The following TMLHE variants were observed in gnomAD, a reference collection of about 807,000 sequenced individuals.
TMLHE encodes trimethyllysine hydroxylase, epsilon.
Under a neutral mutation model 25.7 loss-of-function variants are expected in TMLHE, and 18 were observed. That is an observed-to-expected ratio of 0.70 (90% confidence interval 0.48 to 1.04). The LOEUF is 1.04. Among genes scored for constraint, TMLHE ranks in the 50% least tolerant of loss-of-function variants. The probability of loss-of-function intolerance (pLI) is 0.00; values close to 1 mark genes in which losing one functional copy is unlikely to be tolerated. For missense variants in TMLHE, 236 were observed against 259.0 expected (o/e 0.91, Z 0.61); for synonymous variants, 105 against 97.0 (o/e 1.08, Z -0.49).
intron 1 of TMLHE, among the ~76,000 whole-genome samples, chrX:155,596,579 C>G (rs1372478637): frequency 8.9e-6 from 1 of 111,749 alleles, no homozygotes; most frequent in Admixed American, 9.4e-5. Context: ...TTAAAGAATT[C>G]CCCCATGTGT....
intron 1 of TMLHE, among the ~76,000 whole-genome samples, chrX:155,560,267 AGAAACCTTC>A (rs374467895): frequency 1.1e-3 from 118 of 110,814 alleles, no homozygotes; most frequent in African/African-American, 3.7e-3. Flanking sequence ...CAATTCATTG[AGAAACCTTC>A]GCTGACACTC....
At chrX:155,600,815 C>T (rs1311201458) in intron 1 of TMLHE, among the ~76,000 whole-genome samples, 2 of 111,889 alleles carry the variant, frequency 1.8e-5, no homozygotes, top group East Asian at 2.8e-4. Flanking sequence ...TTCTAAACTG[C>T]GTGAATCTGG....
intron 4 of TMLHE, 149 bp downstream of exon 4, chrX:155,513,837 A>G (rs1272999240): frequency 1.9e-6 from 1 of 526,956 alleles, no homozygotes. Flanking sequence ...GACCTCAAAT[A>G]AAGTACTGCA....
intron 1 of TMLHE, among the ~76,000 whole-genome samples, chrX:155,597,222 G>A (rs2067726997): frequency 9.1e-6 from 1 of 110,069 alleles, no homozygotes; most frequent in African/African-American, 3.3e-5. Flanking sequence ...CATTTTTTAT[G>A]GCTGCATAGT....
chrX:155,596,351 G>A (rs2067720452), intron 1 of TMLHE, among the ~76,000 whole-genome samples: 1 of 111,473 alleles, frequency 9.0e-6, no homozygotes, highest in Non-Finnish European at 1.9e-5. Flanking sequence ...ATTGGACAAT[G>A]TCCCTGGACA....
intron 1 of TMLHE, among the ~76,000 whole-genome samples, chrX:155,594,653 A>G (rs944149813): frequency 1.4e-4 from 16 of 112,447 alleles, no homozygotes; most frequent in African/African-American, 5.2e-4. Context: ...ACTATGAAAA[A>G]TAACTATAAT....
intron 4 of TMLHE, among the ~76,000 whole-genome samples, chrX:155,512,837 C>T (rs2067126895): frequency 9.0e-6 from 1 of 111,569 alleles, no homozygotes. Context: ...ACTTGCTGTA[C>T]CATTGTTGTT....
At chrX:155,560,640 GGCTC>G (rs2067491476) in intron 1 of TMLHE, among the ~76,000 whole-genome samples, 1 of 53,855 alleles carries the variant, frequency 1.9e-5, no homozygotes, top group African/African-American at 4.0e-5. Context: ...CCAATGCAAA[GGCTC>G]TAAGTTGTGA....
At chrX:155,511,559 C>G (rs2124332012) in intron 5 of TMLHE, 114 bp downstream of exon 5, 2 of 770,006 alleles carry the variant, frequency 2.6e-6, no homozygotes, top group Non-Finnish European at 3.5e-6. Flanking sequence ...GAAAGTCATA[C>G]AAATCTGCAG....
chrX:155,589,165 C>T lies in TMLHE; in HGVS notation c.-2+23627G>A, dbSNP rs139224312. ...TATTCACCATAAAAAAGAATGAAATCGGCTGGGTGTGGTGGCTCACGCCTG... is the reference window on the plus strand; with the variant it reads ...TATTCACCATAAAAAAGAATGAAATTGGCTGGGTGTGGTGGCTCACGCCTG... On this transcript the variant is annotated intron_variant, in intron 1 of 7. Transcript: ENST00000334398. Among the ~76,000 whole-genome samples the T allele has an allele frequency of 7.0e-3, 777 of 111,608 alleles. 6 individuals carry two copies. Among genetic ancestry groups the T allele is most frequent in the African/African-American group, 0.024 (732 of 30,788 alleles).
chrX:155,581,019 A>G (rs982966024), intron 1 of TMLHE, among the ~76,000 whole-genome samples: 1 of 112,264 alleles, frequency 8.9e-6, no homozygotes, highest in Non-Finnish European at 1.9e-5. Flanking sequence ...CTGGTTCGAC[A>G]TATGCAAATT....
At chrX:155,510,232 T>TTTTTATTTTATTTTATTTTATTTTA (rs370981833) in intron 5 of TMLHE, among the ~76,000 whole-genome samples, 5 of 99,218 alleles carry the variant, frequency 5.0e-5, no homozygotes, top group African/African-American at 1.8e-4. Context: ...ATGAGTTTTC[T>TTTTTATTTTATTTTATTTTATTTTA]TTTTATTTTA....
intron 1 of TMLHE, among the ~76,000 whole-genome samples, chrX:155,603,592 C>T (rs1479359366): frequency 2.7e-5 from 3 of 111,780 alleles, no homozygotes; most frequent in Non-Finnish European, 3.8e-5. Flanking sequence ...ACTAATGGAA[C>T]ACAATTGAGA....
Position 155,489,929 on chromosome X carries a change from T to C in TMLHE, c.*1606A>G, listed in dbSNP as rs1367096578. On this transcript the variant is annotated 3_prime_UTR_variant, in exon 8 of 8. Coordinates refer to ENST00000334398, the MANE Select transcript of TMLHE (RefSeq NM_018196.4). ...TCCTATCTTCACTAATAATGCCTTTTCCCCCCTCTTGTGTGCATCCTAGCC... is the reference window on the plus strand; with the variant it reads ...TCCTATCTTCACTAATAATGCCTTTCCCCCCCTCTTGTGTGCATCCTAGCC... Among the ~76,000 whole-genome samples, 1 of 17,721 alleles carries C rather than the reference T, an allele frequency of 5.6e-5. No individual in the cohort carries two copies. Among genetic ancestry groups the C allele is most frequent in the Non-Finnish European group, 1.1e-4 (1 of 9,355 alleles). 15.4% of individuals were successfully genotyped at this position (17,721 alleles called of 115,157 possible).
intron 3 of TMLHE, among the ~76,000 whole-genome samples, chrX:155,523,656 A>T (rs1417310156): frequency 9.0e-6 from 1 of 111,222 alleles, no homozygotes; most frequent in Non-Finnish European, 1.9e-5. Context: ...TTCCATTTAA[A>T]TTTTAGAGCA....
intron 1 of TMLHE, among the ~76,000 whole-genome samples, chrX:155,548,608 A>AGGGG (rs2067383281): frequency 9.2e-6 from 1 of 108,288 alleles, no homozygotes; most frequent in Non-Finnish European, 1.9e-5. Context: ...GGTGGCACAC[A>AGGGG]CCTGTATTCC....
intron 3 of TMLHE, among the ~76,000 whole-genome samples, chrX:155,523,850 T>C (rs2067203105): frequency 8.9e-6 from 1 of 112,163 alleles, no homozygotes; most frequent in Non-Finnish European, 1.9e-5. Flanking sequence ...TAATAATTTT[T>C]ATCATACAGA....
intron 1 of TMLHE, among the ~76,000 whole-genome samples, chrX:155,565,832 G>T (rs1380790908): frequency 3.2e-5 from 2 of 62,127 alleles, no homozygotes; most frequent in Non-Finnish European, 9.0e-5. Context: ...TGCCCTTTGG[G>T]GGGTAGCCTT....
intron 1 of TMLHE, among the ~76,000 whole-genome samples, chrX:155,602,841 T>C (rs373378470): frequency 5.3e-5 from 6 of 112,158 alleles, no homozygotes; most frequent in African/African-American, 1.9e-4. Flanking sequence ...GTACCAAAAA[T>C]TAAATACTTG....
Sources: allele counts gnomAD v4.1 joint callset (sites outside exome capture counted in the v4.1 genomes callset), GRCh38; gene constraint gnomAD v4.1.1; transcripts MANE v1.5; gene names NCBI Gene and HGNC (gene_info 2026-07-23, HGNC 2026-07-21).